The following UBE3C variants were observed in gnomAD, a reference collection of about 807,000 sequenced individuals.
The protein encoded by UBE3C is ubiquitin-protein ligase E3C.
Under a neutral mutation model 129.4 loss-of-function variants are expected in UBE3C, and 42 were observed. The observed-to-expected ratio is 0.32, with a 90% CI of 0.25 to 0.42. The LOEUF (loss-of-function observed/expected upper bound fraction) is 0.42, where lower values mean the gene tolerates loss of function less well. UBE3C is among the 10% of genes least tolerant of loss of function. UBE3C has a pLI of 1.00. For missense variants in UBE3C, 1,049 were observed against 1,319.1 expected (o/e 0.80, Z 3.17); for synonymous variants, 510 against 492.4 (o/e 1.04, Z -0.47).
chr7:157,203,564 T>G (rs1290455449), intron 11 of UBE3C, among the ~76,000 whole-genome samples: 2 of 152,230 alleles, frequency 1.3e-5, no homozygotes, highest in Non-Finnish European at 2.9e-5. Context: ...CTGTCATAGT[T>G]CTGCCTGATA....
chr7:157,163,574 A>T (rs1435629291), intron 1 of UBE3C, among the ~76,000 whole-genome samples: 1 of 152,164 alleles, frequency 6.6e-6, no homozygotes. Context: ...ATATGTGAAG[A>T]AATCAGATTT....
At chr7:157,265,592 C>T (rs913140418) in intron 22 of UBE3C, among the ~76,000 whole-genome samples, 2 of 152,204 alleles carry the variant, frequency 1.3e-5, no homozygotes, top group East Asian at 1.9e-4. Context: ...TCGTGCCGCG[C>T]GTGTGCATGG....
chr7:157,261,405 T>C (rs1185029319), intron 22 of UBE3C, among the ~76,000 whole-genome samples: 1 of 150,962 alleles, frequency 6.6e-6, no homozygotes, highest in Non-Finnish European at 1.5e-5. Context: ...AATTGAGTTA[T>C]ACCGTGGAAA....
At chr7:157,224,429 C>G (rs1490463834) in intron 16 of UBE3C, among the ~76,000 whole-genome samples, 1 of 152,036 alleles carries the variant, frequency 6.6e-6, no homozygotes, top group Non-Finnish European at 1.5e-5. Context: ...CTCCTGACCT[C>G]GTGATCTGCC....
chr7:157,156,920 A>G (rs1428680809), intron 1 of UBE3C, among the ~76,000 whole-genome samples: 1 of 152,160 alleles, frequency 6.6e-6, no homozygotes. Flanking sequence ...TGAGTTATTA[A>G]TGTGGTCCTT....
At position 157,269,137 on chromosome 7, in the gene UBE3C, GAAAT is replaced by G. The variant is rs1239928802; in HGVS notation, c.*1386_*1389del. The G allele has an allele frequency of 3.9e-5, 6 of 152,700 alleles. No homozygotes were observed. The East Asian group carries it at 5.8e-4, about 15-fold the overall frequency. The allele number at this position is 152,700 out of a possible 1,614,324, so 9.5% of individuals were successfully genotyped here. ...ATGCTATTTGTAGTCTTGATATACA[GAAAT>G]AAAATAATTAGGGTTGGTCTTTTTT... is the stretch of plus-strand genomic sequence containing the variant. On this transcript the variant is annotated 3_prime_UTR_variant, in exon 23 of 23. Coordinates refer to ENST00000348165, the MANE Select transcript of UBE3C (RefSeq NM_014671.3).
chr7:157,247,144 C>T, intron 18 of UBE3C, among the ~76,000 whole-genome samples: 1 of 152,142 alleles, frequency 6.6e-6, no homozygotes, highest in East Asian at 1.9e-4. Flanking sequence ...CCTCAGCCTC[C>T]CAAAGTGCTG....
intron 10 of UBE3C, among the ~76,000 whole-genome samples, chr7:157,201,192 C>T (rs10239165): frequency 0.1 from 15,413 of 151,710 alleles, 888 homozygotes; most frequent in African/African-American, 0.14. Context: ...GGCGTGGTGG[C>T]GGGCACCTGT....
Position 157,182,213 on chromosome 7 carries a change from C to T in UBE3C, c.876C>T (p.Phe292=). Reference sequence around the variant, plus strand: ...CGCTTGCAGATGCGCAGACCGTTTTCCCTTACGAGCCCTTTCTGAATGCAC... The same window carrying T: ...CGCTTGCAGATGCGCAGACCGTTTTTCCTTACGAGCCCTTTCTGAATGCAC... ...IPALADAQTV[F]PYEPFLNALL... The change falls in exon 8 of 23, where the codon TTC becomes TTT. Residue 292 remains phenylalanine, a synonymous_variant. Coordinates refer to ENST00000348165, the MANE Select transcript of UBE3C (RefSeq NM_014671.3). The T allele has an allele frequency of 6.2e-7, 1 of 1,614,134 alleles. No homozygotes were observed. Among genetic ancestry groups the T allele is most frequent in the East Asian group, 2.2e-5 (1 of 44,890 alleles).
chr7:157,226,566 C>T (rs1795885409), intron 17 of UBE3C, among the ~76,000 whole-genome samples: 2 of 152,162 alleles, frequency 1.3e-5, no homozygotes, highest in African/African-American at 4.8e-5. Context: ...ATGACAATTG[C>T]CTTTTCCTCT....
chr7:157,146,242 T>C (rs564701201), intron 1 of UBE3C, among the ~76,000 whole-genome samples: 1 of 152,308 alleles, frequency 6.6e-6, no homozygotes, highest in East Asian at 1.9e-4. Context: ...TTTATGGATC[T>C]ATTTCTTTTT....
intron 1 of UBE3C, among the ~76,000 whole-genome samples, 176 bp downstream of exon 1, chr7:157,139,514 GGGACTCGGGGTT>G (rs1240990413): frequency 6.6e-6 from 1 of 151,872 alleles, no homozygotes; most frequent in Non-Finnish European, 1.5e-5. Context: ...CGCTCCGGCC[GGGACTCGGGGTT>G]GGACTCGGAG....
intron 8 of UBE3C, among the ~76,000 whole-genome samples, chr7:157,183,115 T>TC (rs1207560978): frequency 2.0e-5 from 3 of 152,120 alleles, no homozygotes; most frequent in Non-Finnish European, 4.4e-5. Context: ...GGGTTTTTTT[T>TC]CCCACACACC....
chr7:157,182,464 G>C (rs929713973), intron 8 of UBE3C, 136 bp downstream of exon 8: 4 of 847,010 alleles, frequency 4.7e-6, no homozygotes, highest in Non-Finnish European at 7.2e-6. Context: ...CTGGAGGGAT[G>C]TGGTCTGGGC....
At chr7:157,165,207 T>C (rs919480926) in intron 2 of UBE3C, among the ~76,000 whole-genome samples, 1 of 152,174 alleles carries the variant, frequency 6.6e-6, no homozygotes, top group African/African-American at 2.4e-5. Context: ...CTTCCATTAG[T>C]GCTTTTGCTT....
rs184667478 is a variant in UBE3C, at chr7:157,233,980, C to T, written c.2481+2653C>T. Reference sequence around the variant, plus strand: ...CATCTTTTCATGTGCTTCATGACTTCTGTTGAGAAATGTCTATTCAAGTCC... The same window carrying T: ...CATCTTTTCATGTGCTTCATGACTTTTGTTGAGAAATGTCTATTCAAGTCC... On this transcript the variant is annotated intron_variant, in intron 18 of 22. Coordinates refer to ENST00000348165, the MANE Select transcript of UBE3C (RefSeq NM_014671.3). Among the ~76,000 whole-genome samples the T allele has an allele frequency of 3.7e-3, 568 of 152,290 alleles. 3 individuals are homozygous for T. Among genetic ancestry groups the T allele is most frequent in the African/African-American group, 0.013 (541 of 41,564 alleles).
intron 1 of UBE3C, among the ~76,000 whole-genome samples, chr7:157,140,921 G>A (rs139497669): frequency 6.6e-6 from 1 of 152,334 alleles, no homozygotes; most frequent in Non-Finnish European, 1.5e-5. Context: ...ACACTAAAGA[G>A]ATCCTTGTGC....
intron 12 of UBE3C, 71 bp from the exon 13 acceptor site, chr7:157,207,632 C>T (rs1169427736): frequency 1.3e-6 from 2 of 1,583,970 alleles, no homozygotes; most frequent in African/African-American, 1.4e-5. Context: ...AAGTTTTAAG[C>T]TTTTTAAGTC....
At chr7:157,193,940 G>A (rs1335167197) in intron 10 of UBE3C, among the ~76,000 whole-genome samples, 2 of 152,138 alleles carry the variant, frequency 1.3e-5, no homozygotes, top group African/African-American at 4.8e-5. Context: ...TATTTTGGAA[G>A]ACTATTATTT....
Sources: gnomAD v4.1 joint callset for allele counts (sites outside exome capture counted in the v4.1 genomes callset) on GRCh38, gnomAD v4.1.1 for gene constraint, MANE v1.5 for transcripts, NCBI Gene and HGNC (gene_info 2026-07-23, HGNC 2026-07-21) for gene names.